The following MTA3 variants were observed in gnomAD, a reference collection of about 807,000 sequenced individuals.
MTA3 encodes metastasis-associated protein MTA3.
A neutral mutation model predicts 83.5 loss-of-function variants in MTA3; 34 were observed. The observed-to-expected ratio is 0.41, with a 90% CI of 0.31 to 0.54. The LOEUF (loss-of-function observed/expected upper bound fraction) is 0.54. Among genes scored for constraint, MTA3 ranks in the 20% least tolerant of loss-of-function variants. The pLI is 0.33. For synonymous variants in MTA3, 303 were observed against 252.7 expected, an observed-to-expected ratio of 1.20 and a Z score of -1.89; for missense variants, 761 against 726.4, an observed-to-expected ratio of 1.05 and a Z score of -0.55.
chr2:42,700,540 G>T (rs933265069), intron 11 of MTA3, among the ~76,000 whole-genome samples: 4 of 152,074 alleles, frequency 2.6e-5, no homozygotes, highest in African/African-American at 9.7e-5. Flanking sequence ...CTTTTTTAAG[G>T]CAGCTCAACT....
chr2:42,509,046 G>T (rs1305399186), intron 2 of MTA3, among the ~76,000 whole-genome samples: 1 of 151,472 alleles, frequency 6.6e-6, no homozygotes, highest in Admixed American at 6.6e-5. Flanking sequence ...TGTTTTTGTT[G>T]TTGTTGTTGT....
chr2:42,751,963 G>A (rs548242444), intron 16 of MTA3, among the ~76,000 whole-genome samples: 12 of 152,290 alleles, frequency 7.9e-5, no homozygotes, highest in Admixed American at 5.9e-4. Context: ...GCAGCTTGGT[G>A]TAGTAGGAAA....
rs1369378755 is a variant in MTA3 at position 42,718,895 on chromosome 2, G to C, written c.1526-93G>C. On this transcript the variant is annotated intron_variant, in intron 14 of 16. Coordinates refer to ENST00000405094, the MANE Select transcript of MTA3 (RefSeq NM_001330442.2). Reference sequence around the variant, plus strand: ...GGGAATCTGGTGGCTATTTTGTACTGTTTTCCACTTGTACCTTTATTTCTG... The same window carrying C: ...GGGAATCTGGTGGCTATTTTGTACTCTTTTCCACTTGTACCTTTATTTCTG... 3 of 970,498 alleles carry C rather than the reference G, an allele frequency of 3.1e-6. No homozygotes were observed. The Admixed American group carries it at 6.8e-5, about 22-fold the overall frequency. 60.1% of individuals were successfully genotyped at this position (970,498 alleles called of 1,614,324 possible).
intron 16 of MTA3, among the ~76,000 whole-genome samples, chr2:42,747,831 A>G (rs1282615223): frequency 6.6e-6 from 1 of 151,986 alleles, no homozygotes; most frequent in Admixed American, 6.6e-5. Flanking sequence ...ATTAAAATAT[A>G]CAATTTAATA....
chr2:42,738,975 A>G (rs1044218150), intron 16 of MTA3, among the ~76,000 whole-genome samples: 1 of 152,026 alleles, frequency 6.6e-6, no homozygotes, highest in African/African-American at 2.4e-5. Flanking sequence ...GGTGCCCGAA[A>G]CTTCATTAGC....
chr2:42,539,682 A>G (rs996525760), intron 2 of MTA3, among the ~76,000 whole-genome samples: 11 of 150,656 alleles, frequency 7.3e-5, no homozygotes, highest in Middle Eastern at 3.4e-3. Context: ...CCTGGACTCA[A>G]GTGATCCTCC....
intron 4 of MTA3, among the ~76,000 whole-genome samples, chr2:42,634,213 C>A (rs1434935347): frequency 6.6e-6 from 1 of 152,188 alleles, no homozygotes; most frequent in African/African-American, 2.4e-5. Context: ...TATATAGAGT[C>A]ATTGTACATA....
At chr2:42,534,916 C>T (rs997709843) in intron 2 of MTA3, among the ~76,000 whole-genome samples, 4 of 152,058 alleles carry the variant, frequency 2.6e-5, no homozygotes, top group African/African-American at 7.2e-5. Flanking sequence ...AGCCACTGCA[C>T]CTGGCCTGTT....
intron 9 of MTA3, among the ~76,000 whole-genome samples, chr2:42,695,379 A>C (rs997810450): frequency 6.6e-6 from 1 of 151,894 alleles, no homozygotes; most frequent in African/African-American, 2.4e-5. Flanking sequence ...TCGCACCTGT[A>C]ATCTCAGCAC....
chr2:42,736,748 A>C (rs1026463805), intron 16 of MTA3, among the ~76,000 whole-genome samples: 2 of 152,190 alleles, frequency 1.3e-5, no homozygotes, highest in African/African-American at 4.8e-5. Flanking sequence ...TGAAGCCAGC[A>C]TGTCTCTGAG....
chr2:42,642,610 C>T (rs1687792705), intron 5 of MTA3, among the ~76,000 whole-genome samples: 1 of 150,016 alleles, frequency 6.7e-6, no homozygotes, highest in South Asian at 2.1e-4. Context: ...ATTCTGATTA[C>T]ATAATGATCA....
chr2:42,624,366 GGCTGGAGT>G (rs1467821104), intron 4 of MTA3, among the ~76,000 whole-genome samples: 1 of 151,664 alleles, frequency 6.6e-6, no homozygotes, highest in Non-Finnish European at 1.5e-5. Context: ...TTGTTGCCCA[GGCTGGAGT>G]GCAGTGGTGT....
At chr2:42,747,054 T>A (rs1024252875) in intron 16 of MTA3, among the ~76,000 whole-genome samples, 2 of 150,544 alleles carry the variant, frequency 1.3e-5, no homozygotes, top group African/African-American at 4.9e-5. Context: ...CAGGCTGGAG[T>A]GCGGTGGTGT....
At chr2:42,555,606 A>C (rs181273939) in intron 2 of MTA3, among the ~76,000 whole-genome samples, 1,611 of 144,562 alleles carry the variant, frequency 0.011, 23 homozygotes, top group African/African-American at 0.039. Context: ...TAAAAATACA[A>C]AAAAAAAAAA....
At chr2:42,655,705 C>T (rs1227672978) in intron 6 of MTA3, among the ~76,000 whole-genome samples, 5 of 152,186 alleles carry the variant, frequency 3.3e-5, no homozygotes, top group South Asian at 4.1e-4. Context: ...CGGGTTCAAG[C>T]GATTCTCGTG....
At chr2:42,619,135 G>A (rs1439040123) in intron 4 of MTA3, among the ~76,000 whole-genome samples, 1 of 152,224 alleles carries the variant, frequency 6.6e-6, no homozygotes, top group African/African-American at 2.4e-5. Flanking sequence ...ACAGCAAGAG[G>A]AGAGAGAACA....
chr2:42,614,798 C>T (rs1285996874), intron 4 of MTA3, among the ~76,000 whole-genome samples: 1 of 151,602 alleles, frequency 6.6e-6, no homozygotes, highest in Non-Finnish European at 1.5e-5. Flanking sequence ...AACATTGGGA[C>T]ACCCTGTCTC....
chr2:42,550,497 T>A (rs906882775), intron 2 of MTA3, among the ~76,000 whole-genome samples: 1 of 152,078 alleles, frequency 6.6e-6, no homozygotes, highest in Admixed American at 6.6e-5. Flanking sequence ...GTTCACCCAA[T>A]GGAGCAGCAG....
intron 8 of MTA3, among the ~76,000 whole-genome samples, chr2:42,669,937 C>G (rs995340442): frequency 6.6e-6 from 1 of 152,148 alleles, no homozygotes; most frequent in Non-Finnish European, 1.5e-5. Flanking sequence ...TTTGTATTTA[C>G]AAGTATGAGT....
Sources: allele counts gnomAD v4.1 joint callset (sites outside exome capture counted in the v4.1 genomes callset), GRCh38; gene constraint gnomAD v4.1.1; transcripts MANE v1.5; gene names NCBI Gene and HGNC (gene_info 2026-07-23, HGNC 2026-07-21).